Variants in PSD3 observed in about 807,000 individuals in gnomAD.
The protein encoded by PSD3 is PH and SEC7 domain-containing protein 3.
A neutral mutation model predicts 105.5 loss-of-function variants in PSD3; 49 were observed. The ratio of observed to expected loss-of-function variants is 0.46; its 90% CI spans 0.37 to 0.59. PSD3 has a LOEUF of 0.59. PSD3 is among the 20% of genes least tolerant of loss of function. The probability of loss-of-function intolerance (pLI) is 0.00; values close to 1 mark genes in which losing one functional copy is unlikely to be tolerated. For missense variants in PSD3, 1,561 were observed against 1,263.8 expected (o/e 1.24, Z -3.57); for synonymous variants, 557 against 457.8 (o/e 1.22, Z -2.77).
intron 10 of PSD3, among the ~76,000 whole-genome samples, chr8:18,647,960 C>T (rs959021852): frequency 1.1e-4 from 16 of 152,286 alleles, no homozygotes; most frequent in Middle Eastern, 3.4e-3. Flanking sequence ...TTTCCCGAGG[C>T]CTCCCCAGAA....
At chr8:18,563,445 G>A (rs4298523) in intron 14 of PSD3, among the ~76,000 whole-genome samples, 65,689 of 151,910 alleles carry the variant, frequency 0.43, 16,317 homozygotes, top group Non-Finnish European at 0.56. Flanking sequence ...TGTATCTAGG[G>A]ATCCGCAGTG....
At chr8:18,606,182 T>A (rs567870408) in intron 11 of PSD3, among the ~76,000 whole-genome samples, 16 of 152,222 alleles carry the variant, frequency 1.1e-4, no homozygotes, top group Non-Finnish European at 2.2e-4. Context: ...TCCTCTATCA[T>A]CTTCATGATT....
intron 1 of PSD3, among the ~76,000 whole-genome samples, chr8:18,944,672 G>A (rs149725429): frequency 0.014 from 2,107 of 152,098 alleles, 62 homozygotes; most frequent in African/African-American, 0.048. Context: ...ATTACGCTGT[G>A]GAAAGGCACT....
At chr8:18,892,712 C>T (rs762256136) in intron 2 of PSD3, among the ~76,000 whole-genome samples, 5 of 150,396 alleles carry the variant, frequency 3.3e-5, no homozygotes, top group Non-Finnish European at 7.4e-5. Context: ...GCAATCTCTG[C>T]CTCTCAGGTT....
At chr8:18,972,622 T>A (rs942686728) in intron 1 of PSD3, among the ~76,000 whole-genome samples, 2 of 152,180 alleles carry the variant, frequency 1.3e-5, no homozygotes, top group African/African-American at 4.8e-5. Flanking sequence ...AGGGTCTTCA[T>A]AAGGTAATTA....
At chr8:18,890,073 C>A (rs993026639) in intron 2 of PSD3, among the ~76,000 whole-genome samples, 3 of 152,110 alleles carry the variant, frequency 2.0e-5, no homozygotes, top group African/African-American at 7.2e-5. Context: ...TCAAGACTGA[C>A]TGCATGATAT....
At chr8:18,980,587 T>C (rs538329123) in intron 1 of PSD3, among the ~76,000 whole-genome samples, 9 of 152,156 alleles carry the variant, frequency 5.9e-5, no homozygotes, top group Non-Finnish European at 1.2e-4. Flanking sequence ...ATTTGTGCTA[T>C]TCATCTCATC....
intron 12 of PSD3, among the ~76,000 whole-genome samples, chr8:18,578,978 A>T (rs1467061869): frequency 1.3e-5 from 2 of 152,082 alleles, no homozygotes; most frequent in Non-Finnish European, 2.9e-5. Context: ...TAAGTCTAGG[A>T]AGCTTCCGCT....
intron 1 of PSD3, among the ~76,000 whole-genome samples, chr8:18,960,378 G>A (rs1467306535): frequency 1.3e-5 from 2 of 152,164 alleles, no homozygotes; most frequent in African/African-American, 2.4e-5. Context: ...ACAGACACAA[G>A]ACAAGAGAAA....
chr8:18,702,061 T>C (rs1437445214), intron 9 of PSD3, among the ~76,000 whole-genome samples: 2 of 152,224 alleles, frequency 1.3e-5, no homozygotes, highest in African/African-American at 4.8e-5. Context: ...CAAGGCAGAA[T>C]GTTTTCCCAG....
intron 4 of PSD3, among the ~76,000 whole-genome samples, chr8:18,806,751 C>T (rs188759148): frequency 6.6e-6 from 1 of 152,146 alleles, no homozygotes; most frequent in Non-Finnish European, 1.5e-5. Context: ...CTTGCTCTAT[C>T]CCATAGTTCT....
intron 9 of PSD3, among the ~76,000 whole-genome samples, 191 bp downstream of exon 9, chr8:18,765,258 C>T (rs923366425): frequency 6.6e-6 from 1 of 152,150 alleles, no homozygotes; most frequent in African/African-American, 2.4e-5. Context: ...ATAATGCAGA[C>T]TTCTAGAAAT....
At chr8:18,995,383 A>C (rs1219878328) in intron 1 of PSD3, among the ~76,000 whole-genome samples, 2 of 152,082 alleles carry the variant, frequency 1.3e-5, no homozygotes, top group Non-Finnish European at 2.9e-5. Context: ...TGCAGAGTGG[A>C]AAGCGGAGAT....
intron 11 of PSD3, among the ~76,000 whole-genome samples, chr8:18,610,822 T>C (rs1201766581): frequency 7.2e-6 from 1 of 138,532 alleles, no homozygotes; most frequent in African/African-American, 2.6e-5. Context: ...TAAAATGTTC[T>C]GAAATGCCAG....
At chr8:18,771,450 T>G (rs995242523) in intron 8 of PSD3, among the ~76,000 whole-genome samples, 2 of 152,232 alleles carry the variant, frequency 1.3e-5, no homozygotes, top group African/African-American at 4.8e-5. Flanking sequence ...TCACAAAGAT[T>G]TACTCCAAAA....
At chr8:18,612,960 C>T (rs755929817) in intron 11 of PSD3, among the ~76,000 whole-genome samples, 5 of 152,048 alleles carry the variant, frequency 3.3e-5, no homozygotes, top group Non-Finnish European at 7.3e-5. Flanking sequence ...TCACTGGCAG[C>T]CATTACTAGA....
intron 9 of PSD3, among the ~76,000 whole-genome samples, chr8:18,736,151 C>T (rs1226506410): frequency 2.0e-5 from 3 of 152,140 alleles, no homozygotes; most frequent in South Asian, 4.1e-4. Flanking sequence ...ATATATCTCA[C>T]GTAATTTCTA....
At chr8:18,594,829 G>T (rs148788836) in intron 12 of PSD3, among the ~76,000 whole-genome samples, 1 of 152,020 alleles carries the variant, frequency 6.6e-6, no homozygotes, top group Non-Finnish European at 1.5e-5. Flanking sequence ...CATTGGCATA[G>T]ATTCAACATA....
Position 18,949,221 on chromosome 8 carries a change from C to CAA in PSD3, c.22-13081_22-13080dup, listed in dbSNP as rs1213755572. ...TGGGCTACAGATCGAGACTCTGTCT[C>CAA]AAAAAAAAAAAAAAAAAAAAAAAAT... On this transcript the variant is annotated intron_variant, in intron 1 of 15. Coordinates refer to ENST00000327040, the MANE Select transcript of PSD3 (RefSeq NM_015310.4). Among the ~76,000 whole-genome samples the CAA allele has an allele frequency of 2.8e-3, 33 of 11,900 alleles. 3 individuals carry two copies. The highest frequency in any genetic ancestry group is 5.1e-3 in the African/African-American group (26 of 5,070). The allele number at this position is 11,900 out of a possible 152,430, so 7.8% of individuals were successfully genotyped here.
Sources: gnomAD v4.1 joint callset for allele counts (sites outside exome capture counted in the v4.1 genomes callset) on GRCh38, gnomAD v4.1.1 for gene constraint, MANE v1.5 for transcripts, NCBI Gene and HGNC (gene_info 2026-07-23, HGNC 2026-07-21) for gene names.